BCL2L1: variants seen among roughly 807,000 people sequenced by gnomAD.
BCL2L1 encodes bcl-2-like protein 1.
A neutral mutation model predicts 18.7 loss-of-function variants in BCL2L1; 1 was observed. That is an observed-to-expected ratio of 0.05 (90% CI 0.02 to 0.25). The LOEUF (loss-of-function observed/expected upper bound fraction) is 0.25, where lower values mean the gene tolerates loss of function less well. Among genes scored for constraint, BCL2L1 ranks in the 10% least tolerant of loss-of-function variants. The pLI is 1.00. For synonymous variants in BCL2L1, 103 were observed against 122.7 expected (o/e 0.84, Z 1.06); for missense variants, 207 against 304.9 (o/e 0.68, Z 2.39).
chr20:31,689,496 G>C (rs2061024339), intron 2 of BCL2L1, among the ~76,000 whole-genome samples: 1 of 151,518 alleles, frequency 6.6e-6, no homozygotes. Flanking sequence ...GAAGAAACAA[G>C]GGAAGGTAGG....
upstream of BCL2L1, chr20:31,723,382 G>A (rs1405600282): frequency 1.0e-6 from 1 of 985,500 alleles, no homozygotes; most frequent in Non-Finnish European, 1.2e-6. Flanking sequence ...CTGCTCGACG[G>A]CCCCACAGCT....
chr20:31,715,333 T>G (rs2061516349), intron 2 of BCL2L1, among the ~76,000 whole-genome samples: 1 of 151,464 alleles, frequency 6.6e-6, no homozygotes, highest in East Asian at 1.9e-4. Context: ...TCATGGTCTG[T>G]AATGCTGTAT....
intron 2 of BCL2L1, among the ~76,000 whole-genome samples, chr20:31,668,834 A>C (rs903366383): frequency 6.9e-6 from 1 of 145,514 alleles, no homozygotes; most frequent in Non-Finnish European, 1.5e-5. Context: ...CAAACTCCTG[A>C]CCTCAGGTGA....
chr20:31,697,740 C>T (rs866044146), intron 2 of BCL2L1, among the ~76,000 whole-genome samples: 10 of 151,286 alleles, frequency 6.6e-5, no homozygotes, highest in African/African-American at 2.4e-4. Flanking sequence ...CCCGGCCTAA[C>T]AGGTGACTTT....
chr20:31,666,116 T>G, intron 2 of BCL2L1, 30 bp from the exon 3 acceptor site: 1 of 1,613,042 alleles, frequency 6.2e-7, no homozygotes, highest in East Asian at 2.2e-5. Context: ...AGGTGCAGTT[T>G]TAGTCCTCAG....
intron 2 of BCL2L1, among the ~76,000 whole-genome samples, chr20:31,713,715 A>G (rs755070126): frequency 2.6e-5 from 4 of 152,246 alleles, no homozygotes; most frequent in Admixed American, 2.0e-4. Flanking sequence ...ATGTGAGTGA[A>G]GAGCCCTAGG....
Position 31,694,527 on chromosome 20 carries a change from G to C in BCL2L1, c.564+27128C>G, listed in dbSNP as rs1415006382. Among the ~76,000 whole-genome samples the C allele has an allele frequency of 2.0e-5, 3 of 152,266 alleles. No individual in the cohort carries two copies. The East Asian group carries it at 5.8e-4, about 29-fold the overall frequency. ...GCCTCTTGGAGGGCGGGCTCCTTGA[G>C]GGGGTGGTGGAGGTGGAGTGTGACC... is the stretch of plus-strand genomic sequence containing the variant. On this transcript the variant is annotated intron_variant, in intron 2 of 2. Transcript: ENST00000307677.
rs1356182703 is a variant in BCL2L1, at chr20:31,666,235, G to A, written c.565-149C>T. On this transcript the variant is annotated intron_variant, in intron 2 of 2. Transcript: ENST00000307677. ...CTCTGGGCCAGGTAAAGGGCTAAGG[G>A]TGGTCCTCTTTCTTGACCCTCCATT... The A allele has an allele frequency of 3.0e-5, 29 of 955,302 alleles. 1 individual carries two copies. Among genetic ancestry groups the A allele is most frequent in the Middle Eastern group, 5.7e-4 (2 of 3,530 alleles). 59.2% of individuals were successfully genotyped at this position (955,302 alleles called of 1,614,324 possible). A position where few individuals can be genotyped will look rare whatever the true frequency, so the allele number is the denominator to read the frequency against.
intron 2 of BCL2L1, among the ~76,000 whole-genome samples, chr20:31,715,603 G>C (rs1724623174): frequency 6.6e-6 from 1 of 152,114 alleles, no homozygotes; most frequent in South Asian, 2.1e-4. Flanking sequence ...TTGGGACTCA[G>C]GACATACCAT....
chr20:31,694,798 G>T (rs2061140794), intron 2 of BCL2L1, among the ~76,000 whole-genome samples: 1 of 152,118 alleles, frequency 6.6e-6, no homozygotes, highest in Non-Finnish European at 1.5e-5. Flanking sequence ...CAAACAGTAA[G>T]CAGGGCCTGG....
In BCL2L1 at chr20:31,664,482, A is replaced by G. The variant is rs910403008; in HGVS notation, c.*1467T>C. ...GTTCACTGAGTAAACACAGTTTATT[A>G]CTGAACTGCACTTTCACCTTCACAC... is the stretch of plus-strand genomic sequence containing the variant. On this transcript the variant is annotated 3_prime_UTR_variant, in exon 3 of 3. Coordinates refer to ENST00000307677, the MANE Select transcript of BCL2L1 (RefSeq NM_138578.3). 5.6e-6 allele frequency: 1 copy of G among 179,738 alleles called. No homozygotes were observed. The highest frequency in any genetic ancestry group is 1.2e-5 in the Non-Finnish European group (1 of 83,618). 11.1% of individuals were successfully genotyped at this position (179,738 alleles called of 1,614,324 possible).
chr20:31,666,199 A>G (rs2060584978), intron 2 of BCL2L1, 113 bp from the exon 3 acceptor site: 1 of 1,370,238 alleles, frequency 7.3e-7, no homozygotes, highest in Non-Finnish European at 1.0e-6. Flanking sequence ...AACTGTAGCC[A>G]TCTGTGCCCA....
intron 2 of BCL2L1, among the ~76,000 whole-genome samples, chr20:31,667,688 G>A (rs1312999327): frequency 4.0e-5 from 6 of 151,898 alleles, no homozygotes; most frequent in Non-Finnish European, 5.9e-5. Flanking sequence ...GACCCCTGCC[G>A]TGGCCCACTT....
At chr20:31,671,582 T>C (rs1391996382) in intron 2 of BCL2L1, among the ~76,000 whole-genome samples, 2 of 152,088 alleles carry the variant, frequency 1.3e-5, no homozygotes, top group Non-Finnish European at 2.9e-5. Flanking sequence ...CCAGACTCCT[T>C]GGACTTCTGT....
intron 2 of BCL2L1, among the ~76,000 whole-genome samples, chr20:31,695,952 A>T (rs2061161425): frequency 6.6e-6 from 1 of 151,700 alleles, no homozygotes; most frequent in South Asian, 2.1e-4. Context: ...CTCACATGTT[A>T]TTTATTTTTT....
At chr20:31,677,795 C>T (rs1309077728) in intron 2 of BCL2L1, among the ~76,000 whole-genome samples, 1 of 152,204 alleles carries the variant, frequency 6.6e-6, no homozygotes, top group African/African-American at 2.4e-5. Flanking sequence ...TCTTAATCCA[C>T]AGGTCACTTT....
At chr20:31,701,850 A>G (rs961859539) in intron 2 of BCL2L1, among the ~76,000 whole-genome samples, 1 of 152,232 alleles carries the variant, frequency 6.6e-6, no homozygotes, top group African/African-American at 2.4e-5. Context: ...TTTGTTTAAT[A>G]ATTTATTCAA....
intron 2 of BCL2L1, among the ~76,000 whole-genome samples, chr20:31,718,040 C>T (rs2061564840): frequency 6.6e-6 from 1 of 152,150 alleles, no homozygotes. Flanking sequence ...GGGAAGCTGC[C>T]CATTCATTAA....
At chr20:31,720,054 G>A in intron 2 of BCL2L1, 1 of 969,928 alleles carries the variant, frequency 1.0e-6, no homozygotes, top group Non-Finnish European at 1.2e-6. Context: ...TCCCCCTAGA[G>A]AGTTCATTTA....
Sources: allele counts gnomAD v4.1 joint callset (sites outside exome capture counted in the v4.1 genomes callset), GRCh38; gene constraint gnomAD v4.1.1; transcripts MANE v1.5; gene names NCBI Gene and HGNC (gene_info 2026-07-23, HGNC 2026-07-21).